Variants in PLXNA4 observed in about 807,000 individuals in gnomAD.
PLXNA4 encodes plexin-A4.
Under a neutral mutation model 191.8 loss-of-function variants are expected in PLXNA4, and 44 were observed. The observed-to-expected ratio is 0.23, with a 90% CI of 0.18 to 0.29. The LOEUF is 0.29. PLXNA4 is among the 10% of genes least tolerant of loss of function. PLXNA4 has a pLI of 1.00. For missense variants in PLXNA4, 1,800 were observed against 2,488.8 expected, an observed-to-expected ratio of 0.72 and a Z score of 5.89; for synonymous variants, 1,082 against 1,009.5, an observed-to-expected ratio of 1.07 and a Z score of -1.36.
At position 132,447,525 on chromosome 7, in the gene PLXNA4, C is replaced by G. The variant is rs141685196; in HGVS notation, c.1371+41767G>C. Among the ~76,000 whole-genome samples the G allele has an allele frequency of 3.1e-3, 465 of 152,242 alleles. 1 individual carries two copies. The highest frequency in any genetic ancestry group is 5.0e-3 in the Non-Finnish European group (339 of 68,018). On this transcript the variant is annotated intron_variant, in intron 3 of 31. Coordinates refer to ENST00000321063, the MANE Select transcript of PLXNA4 (RefSeq NM_020911.2). ...CTGAGAGATAGAGGTGGGAAGGGGA[C>G]TGGGATACCATGTTACAAACAGAGG...
At chr7:132,358,249 C>G (rs1477750846) in intron 3 of PLXNA4, among the ~76,000 whole-genome samples, 1 of 152,210 alleles carries the variant, frequency 6.6e-6, no homozygotes, top group Non-Finnish European at 1.5e-5. Flanking sequence ...TGTTTGTCAT[C>G]TGTAGCAAGC....
chr7:132,633,308 G>C (rs1803530136), intron 2 of PLXNA4, among the ~76,000 whole-genome samples: 1 of 148,424 alleles, frequency 6.7e-6, no homozygotes, highest in Non-Finnish European at 1.5e-5. Context: ...TTTTAAGACG[G>C]AGTCTCACTC....
intron 2 of PLXNA4, among the ~76,000 whole-genome samples, chr7:132,614,785 G>A (rs1803118861): frequency 6.6e-6 from 1 of 152,226 alleles, no homozygotes; most frequent in Admixed American, 6.5e-5. Context: ...TAAATACTTG[G>A]GAAATGCCGG....
chr7:132,369,273 G>A (rs1342390901), intron 3 of PLXNA4, among the ~76,000 whole-genome samples: 3 of 152,196 alleles, frequency 2.0e-5, no homozygotes, highest in Non-Finnish European at 4.4e-5. Context: ...CCACCCAGGT[G>A]CCAGAAACCT....
In PLXNA4 at chr7:132,180,688, C is replaced by G; in HGVS notation, c.3537G>C (p.Leu1179=). The G allele has an allele frequency of 6.2e-7, 1 of 1,614,186 alleles. No homozygotes were observed. The highest frequency in any genetic ancestry group is 8.5e-7 in the Non-Finnish European group (1 of 1,180,042). Residue 1179 remains leucine (L), a synonymous_variant, in exon 19 of 32, where the codon CTG becomes CTC. Transcript: ENST00000321063. ...IPPVAGGNVK[L]NYTVLVGEKP... is the part of the protein sequence containing the mutation. The stretch of plus-strand genomic sequence containing the variant: ...TCTCCCCAACCAGCACAGTGTAGTT[C>G]AGCTTCACGTTGCCCCCAGCCACAG...
intron 3 of PLXNA4, among the ~76,000 whole-genome samples, chr7:132,409,919 G>A (rs916332678): frequency 2.6e-5 from 4 of 152,178 alleles, no homozygotes; most frequent in African/African-American, 9.6e-5. Context: ...CCGGCAGGGG[G>A]CCCCCAGACT....
chr7:132,270,646 T>C (rs772260553), intron 4 of PLXNA4, among the ~76,000 whole-genome samples: 3 of 152,236 alleles, frequency 2.0e-5, no homozygotes, highest in Non-Finnish European at 4.4e-5. Flanking sequence ...GTAATACCTC[T>C]ATGAAAATTC....
chr7:132,316,199 C>T (rs1801938164), intron 3 of PLXNA4, among the ~76,000 whole-genome samples: 1 of 152,216 alleles, frequency 6.6e-6, no homozygotes, highest in Non-Finnish European at 1.5e-5. Context: ...GACTCTATCA[C>T]CATAAGCCTC....
upstream of PLXNA4, among the ~76,000 whole-genome samples, chr7:132,577,517 G>A (rs913080073): frequency 1.3e-4 from 19 of 151,714 alleles, no homozygotes; most frequent in African/African-American, 4.6e-4. Context: ...GAGCGAGGGA[G>A]AGCGGCCGGC....
intron 3 of PLXNA4, among the ~76,000 whole-genome samples, chr7:132,414,088 T>C (rs1327036755): frequency 6.6e-6 from 1 of 152,248 alleles, no homozygotes; most frequent in Non-Finnish European, 1.5e-5. Context: ...TGCACCCACT[T>C]GGACATCCAT....
intron 14 of PLXNA4, among the ~76,000 whole-genome samples, chr7:132,193,673 T>C (rs1046706244): frequency 6.6e-6 from 1 of 152,198 alleles, no homozygotes; most frequent in African/African-American, 2.4e-5. Flanking sequence ...AAAAACAAAA[T>C]GTTGAGCAAC....
intron 2 of PLXNA4, among the ~76,000 whole-genome samples, chr7:132,601,739 T>G (rs1033320734): frequency 6.6e-6 from 1 of 152,216 alleles, no homozygotes; most frequent in Non-Finnish European, 1.5e-5. Flanking sequence ...TCTTTTTCTG[T>G]GGTGGCAAGA....
intron 30 of PLXNA4, among the ~76,000 whole-genome samples, chr7:132,137,794 T>G: frequency 7.2e-6 from 1 of 139,060 alleles, no homozygotes; most frequent in Non-Finnish European, 1.6e-5. Flanking sequence ...AGGACAGGAG[T>G]GAGGGCAGGT....
In PLXNA4 at chr7:132,470,006, G is replaced by A. The variant is rs1796874674; in HGVS notation, c.1371+19286C>T. On this transcript the variant is annotated intron_variant, in intron 3 of 31. Coordinates refer to ENST00000321063, the MANE Select transcript of PLXNA4 (RefSeq NM_020911.2). ...GGGTTCAGTGGCAGATCTTCTCATT[G>A]GGTTCTAATAGCTGCTCCACATGCC... is the stretch of plus-strand genomic sequence containing the variant. Among the ~76,000 whole-genome samples the A allele has an allele frequency of 2.0e-5, 3 of 152,310 alleles. No individual in the cohort carries two copies. The South Asian group carries it at 6.2e-4, about 32-fold the overall frequency.
chr7:132,221,036 G>T (rs1051962263), intron 9 of PLXNA4, among the ~76,000 whole-genome samples: 4 of 151,342 alleles, frequency 2.6e-5, no homozygotes, highest in Admixed American at 2.6e-4. Context: ...TTTTCTATTG[G>T]GGAGAGTTTA....
At chr7:132,325,034 A>G (rs1446917953) in intron 3 of PLXNA4, among the ~76,000 whole-genome samples, 1 of 152,116 alleles carries the variant, frequency 6.6e-6, no homozygotes. Flanking sequence ...AAACTTTCAC[A>G]ACACTCCTGT....
At chr7:132,346,076 C>T (rs1321257845) in intron 3 of PLXNA4, among the ~76,000 whole-genome samples, 3 of 152,222 alleles carry the variant, frequency 2.0e-5, no homozygotes, top group Admixed American at 1.3e-4. Flanking sequence ...TCTTTCTCAG[C>T]ACTGACTTAA....
Position 132,467,668 on chromosome 7 carries a change from C to T in PLXNA4, c.1371+21624G>A, listed in dbSNP as rs533900833. Among the ~76,000 whole-genome samples, 16 of 152,318 alleles carry T rather than the reference C, an allele frequency of 1.1e-4. 1 individual carries two copies. The South Asian group carries it at 3.1e-3, about 30-fold the overall frequency. On this transcript the variant is annotated intron_variant, in intron 3 of 31. Coordinates refer to ENST00000321063, the MANE Select transcript of PLXNA4 (RefSeq NM_020911.2). ...TGCCAAAGATCACAAAATTAAAAGA[C>T]GTTGAACCTAGGGACCCAGACTCCC...
intron 2 of PLXNA4, among the ~76,000 whole-genome samples, chr7:132,630,671 C>T (rs1048429549): frequency 1.3e-5 from 2 of 152,160 alleles, no homozygotes; most frequent in Non-Finnish European, 2.9e-5. Flanking sequence ...GCCACCACAC[C>T]CGGCTAATTT....
Sources: gnomAD v4.1 joint callset for allele counts (sites outside exome capture counted in the v4.1 genomes callset) on GRCh38, gnomAD v4.1.1 for gene constraint, MANE v1.5 for transcripts, NCBI Gene and HGNC (gene_info 2026-07-23, HGNC 2026-07-21) for gene names.